The following ATP6V1G3 variants were observed in gnomAD, a reference collection of about 807,000 sequenced individuals.
The protein encoded by ATP6V1G3 is V-type proton ATPase subunit G 3.
ATP6V1G3 carries 9 observed loss-of-function variants against 9.3 expected under a neutral mutation model. The ratio of observed to expected loss-of-function variants is 0.97; its 90% CI spans 0.59 to 1.69. The LOEUF (loss-of-function observed/expected upper bound fraction) is 1.69. Ranked by LOEUF, ATP6V1G3 falls within the 40% of genes most tolerant of loss-of-function variation. The pLI is 0.00. For synonymous variants in ATP6V1G3, 43 were observed against 43.8 expected, an observed-to-expected ratio of 0.98 and a Z score of 0.07; for missense variants, 133 against 139.0, an observed-to-expected ratio of 0.96 and a Z score of 0.22.
chr1:198,533,234 GCAGAGGCTCAGTGAGC>G (rs1659977298), intron 1 of ATP6V1G3, among the ~76,000 whole-genome samples: 1 of 151,772 alleles, frequency 6.6e-6, no homozygotes, highest in Non-Finnish European at 1.5e-5. Flanking sequence ...AACCCAGGAG[GCAGAGGCTCAGTGAGC>G]CAAGATCACG....
chr1:198,523,380 G>A lies in ATP6V1G3; in HGVS notation c.*11C>T. ...CACACCTTTTTTTTTCTTGAAAACT[G>A]TGATGTACATTTAGTTGGTGGCTCT... On this transcript the variant is annotated 3_prime_UTR_variant, in exon 3 of 3. Transcript: ENST00000367382. 6.2e-7 allele frequency: 1 copy of A among 1,607,808 alleles called. No individual in the cohort carries two copies. The highest frequency in any genetic ancestry group is 8.5e-7 in the Non-Finnish European group (1 of 1,177,112).
chr1:198,530,431 C>T (rs1659851155), intron 1 of ATP6V1G3, among the ~76,000 whole-genome samples: 1 of 152,148 alleles, frequency 6.6e-6, no homozygotes, highest in Non-Finnish European at 1.5e-5. Flanking sequence ...TCACTAGTCT[C>T]TGTATGTATA....
intron 2 of ATP6V1G3, among the ~76,000 whole-genome samples, chr1:198,525,770 G>A (rs1659628157): frequency 6.6e-6 from 1 of 152,110 alleles, no homozygotes; most frequent in Non-Finnish European, 1.5e-5. Context: ...CACTTCAAGT[G>A]CTTAGTAGCC....
intron 1 of ATP6V1G3, among the ~76,000 whole-genome samples, chr1:198,534,452 G>A (rs1660028217): frequency 2.0e-5 from 3 of 152,112 alleles, no homozygotes; most frequent in African/African-American, 7.2e-5. Context: ...AACCCTGCTG[G>A]CACCTTCTGT....
At chr1:198,537,153 T>A (rs1660148292) in intron 1 of ATP6V1G3, among the ~76,000 whole-genome samples, 1 of 152,158 alleles carries the variant, frequency 6.6e-6, no homozygotes, top group Non-Finnish European at 1.5e-5. Context: ...ATTCAATTTC[T>A]ATAGACCGCG....
intron 1 of ATP6V1G3, among the ~76,000 whole-genome samples, chr1:198,534,412 GT>G (rs1275618140): frequency 6.6e-6 from 1 of 152,130 alleles, no homozygotes; most frequent in Non-Finnish European, 1.5e-5. Flanking sequence ...AGGCATGGGG[GT>G]TTCTCCCTCG....
At chr1:198,524,579 C>G in intron 2 of ATP6V1G3, among the ~76,000 whole-genome samples, 1 of 152,030 alleles carries the variant, frequency 6.6e-6, no homozygotes, top group East Asian at 1.9e-4. Flanking sequence ...GCAGTGATTC[C>G]CAGTATTTTC....
intron 1 of ATP6V1G3, 28 bp from the exon 2 acceptor site, chr1:198,529,209 T>A (rs1166242952): frequency 2.3e-6 from 1 of 428,194 alleles, no homozygotes. Context: ...TATATATATA[T>A]ATATATAATT....
intron 1 of ATP6V1G3, among the ~76,000 whole-genome samples, chr1:198,535,819 A>G (rs985077926): frequency 6.6e-6 from 1 of 152,132 alleles, no homozygotes; most frequent in African/African-American, 2.4e-5. Flanking sequence ...GCTAATAAGA[A>G]GCAGAAGTTA....
chr1:198,538,601 T>C (rs1660212962), intron 1 of ATP6V1G3, among the ~76,000 whole-genome samples: 1 of 152,028 alleles, frequency 6.6e-6, no homozygotes, highest in Admixed American at 6.6e-5. Context: ...GTTTTAAATA[T>C]TGTTAAAGAA....
chr1:198,527,088 A>G (rs1370653641), intron 2 of ATP6V1G3, among the ~76,000 whole-genome samples: 2 of 152,202 alleles, frequency 1.3e-5, no homozygotes, highest in Non-Finnish European at 2.9e-5. Context: ...AAAAAGTAAC[A>G]TCAAGATACA....
intron 2 of ATP6V1G3, among the ~76,000 whole-genome samples, chr1:198,527,626 A>G (rs35254248): frequency 0.04 from 6,042 of 152,230 alleles, 154 homozygotes; most frequent in Non-Finnish European, 0.063. Context: ...ATTCAATAAG[A>G]AAGAAAATCA....
At chr1:198,526,521 G>A (rs1320467107) in intron 2 of ATP6V1G3, among the ~76,000 whole-genome samples, 2 of 152,156 alleles carry the variant, frequency 1.3e-5, no homozygotes, top group Non-Finnish European at 2.9e-5. Context: ...GTCTAAGGGT[G>A]ACATGTGAGG....
chr1:198,529,055 G>C, intron 2 of ATP6V1G3, 26 bp downstream of exon 2: 1 of 1,123,078 alleles, frequency 8.9e-7, no homozygotes, highest in East Asian at 2.7e-5. Context: ...TTCTGCATAA[G>C]AAACAGTGCT....
chr1:198,534,732 T>G (rs897425995), intron 1 of ATP6V1G3, among the ~76,000 whole-genome samples: 1 of 152,206 alleles, frequency 6.6e-6, no homozygotes, highest in South Asian at 2.1e-4. Context: ...AAGGGTACTT[T>G]GGTAATGTTT....
intron 1 of ATP6V1G3, among the ~76,000 whole-genome samples, chr1:198,530,058 T>C (rs868275082): frequency 6.6e-6 from 1 of 152,280 alleles, no homozygotes; most frequent in Admixed American, 6.5e-5. Context: ...CCCACCACCT[T>C]GGGGCTTAGC....
chr1:198,525,454 T>C (rs537362707), intron 2 of ATP6V1G3, among the ~76,000 whole-genome samples: 2 of 152,218 alleles, frequency 1.3e-5, no homozygotes, highest in East Asian at 3.9e-4. Flanking sequence ...ATATCATCCA[T>C]TTGATAAGAT....
intron 2 of ATP6V1G3, among the ~76,000 whole-genome samples, chr1:198,525,046 A>G (rs1236496257): frequency 6.6e-6 from 1 of 152,214 alleles, no homozygotes; most frequent in Non-Finnish European, 1.5e-5. Context: ...AATAATTTTG[A>G]AAAGTTACAG....
intron 1 of ATP6V1G3, among the ~76,000 whole-genome samples, chr1:198,539,801 C>A (rs1460045012): frequency 6.6e-6 from 1 of 152,198 alleles, no homozygotes; most frequent in African/African-American, 2.4e-5. Flanking sequence ...TCAGTGACTC[C>A]ATTTCTGCAT....
Sources: allele counts gnomAD v4.1 joint callset (sites outside exome capture counted in the v4.1 genomes callset), GRCh38; gene constraint gnomAD v4.1.1; transcripts MANE v1.5; gene names NCBI Gene and HGNC (gene_info 2026-07-23, HGNC 2026-07-21).